Variants in ENPEP observed in about 807,000 individuals in gnomAD.
The protein encoded by ENPEP is AP-A.
ENPEP carries 103 observed loss-of-function variants against 114.5 expected under a neutral mutation model. The observed-to-expected ratio is 0.90, with a 90% CI of 0.77 to 1.06. ENPEP has a LOEUF of 1.06. Among genes scored for constraint, ENPEP ranks in the 50% least tolerant of loss-of-function variants. The pLI is 0.00. For synonymous variants in ENPEP, 420 were observed against 422.0 expected, an observed-to-expected ratio of 1.00 and a Z score of 0.06; for missense variants, 1,196 against 1,161.3, an observed-to-expected ratio of 1.03 and a Z score of -0.43.
chr4:110,540,740 C>T (rs572586908), intron 11 of ENPEP, among the ~76,000 whole-genome samples: 28 of 152,238 alleles, frequency 1.8e-4, no homozygotes, highest in Admixed American at 1.1e-3. Context: ...ATATTTGCTT[C>T]GCTATTTATA....
chr4:110,529,058 C>A (rs1726305574), intron 10 of ENPEP, among the ~76,000 whole-genome samples: 1 of 152,140 alleles, frequency 6.6e-6, no homozygotes, highest in Non-Finnish European at 1.5e-5. Context: ...CTCTTAAAGA[C>A]CTCAGAGCAG....
Position 110,542,770 on chromosome 4 carries a change from T to G in ENPEP, c.1827T>G (p.Ser609=), listed in dbSNP as rs1211481553. 1 of 1,612,836 alleles carries G rather than the reference T, an allele frequency of 6.2e-7. No individual in the cohort carries two copies. The highest frequency in any genetic ancestry group is 2.2e-5 in the East Asian group (1 of 44,846). The change falls in exon 12 of 20, where the codon TCT becomes TCG. Residue 609 remains serine, a synonymous_variant. Coordinates refer to ENST00000265162, the MANE Select transcript of ENPEP (RefSeq NM_001977.4). ...SEKEGITLNS[S]NPSGNAFLKI... ...CTACAGGAATCACTTTGAACTCCTC[T>G]AATCCTAGTGGAAATGCTTTTCTCA... is the stretch of plus-strand genomic sequence containing the variant.
At chr4:110,535,615 T>G (rs1004056437) in intron 11 of ENPEP, among the ~76,000 whole-genome samples, 2 of 152,246 alleles carry the variant, frequency 1.3e-5, no homozygotes, top group Non-Finnish European at 2.9e-5. Context: ...ATTTACACAG[T>G]TAAAATATAC....
rs1724366544 is a variant in ENPEP at position 110,482,877 on chromosome 4, C to A, written c.645-5664C>A. ...TACAAAAATTAGCCGGGGGTAGTGG[C>A]ACATGCCTGTAATCCCAGCTACTCT... On this transcript the variant is annotated intron_variant, in intron 1 of 19. Transcript: ENST00000265162. Among the ~76,000 whole-genome samples, 2 of 152,074 alleles carry A rather than the reference C, an allele frequency of 1.3e-5. 1 individual carries two copies. The highest frequency in any genetic ancestry group is 4.2e-4 in the South Asian group (2 of 4,818).
rs761525264 is a variant in ENPEP at position 110,531,282 on chromosome 4, ATAT to A, written c.1807+11_1807+13del. 1 of 1,408,314 alleles carries A rather than the reference ATAT, an allele frequency of 7.1e-7. No homozygotes were observed. Among genetic ancestry groups the A allele is most frequent in the South Asian group, 1.6e-5 (1 of 64,420 alleles). 87.2% of individuals were successfully genotyped at this position (1,408,314 alleles called of 1,614,324 possible). ...TTAATAGGTCAGAAAAAGAAGGTAA[ATAT>A]TATTAATTGATTTATTTCTTCTTTG... is the stretch of plus-strand genomic sequence containing the variant. On this transcript the variant is annotated splice_donor_region_variant and intron_variant, in intron 11 of 19. Transcript: ENST00000265162.
chr4:110,486,838 C>T lies in ENPEP; in HGVS notation c.645-1703C>T, dbSNP rs149260536. 3.9e-5 allele frequency among the ~76,000 whole-genome samples: 6 copies of T among 152,204 alleles called. No individual in the cohort carries two copies. The East Asian group carries it at 7.7e-4, about 20-fold the overall frequency. On this transcript the variant is annotated intron_variant, in intron 1 of 19. Transcript: ENST00000265162. ...GGAGAAAGAGTAATTCACACAGATC[C>T]GGCTGTGCAGGAGACTGGAATTTTA...
intron 2 of ENPEP, among the ~76,000 whole-genome samples, chr4:110,490,678 T>A (rs1306740935): frequency 5.3e-5 from 8 of 152,214 alleles, no homozygotes; most frequent in Non-Finnish European, 1.0e-4. Flanking sequence ...TCAGCAAATA[T>A]CTGAGCACGA....
intron 11 of ENPEP, 57 bp from the exon 12 acceptor site, chr4:110,542,694 T>C: frequency 2.0e-6 from 3 of 1,471,914 alleles, no homozygotes; most frequent in Non-Finnish European, 2.7e-6. Flanking sequence ...GTCTAATTTC[T>C]CTGTGTTGAC....
intron 8 of ENPEP, 137 bp downstream of exon 8, chr4:110,515,579 T>C: frequency 1.4e-6 from 1 of 717,740 alleles, no homozygotes; most frequent in South Asian, 1.7e-5. Flanking sequence ...TAGCAAAAGA[T>C]AAAAACATGA....
intron 8 of ENPEP, chr4:110,519,022 A>G (rs1210720442): frequency 2.2e-6 from 1 of 451,080 alleles, no homozygotes; most frequent in African/African-American, 2.0e-5. Flanking sequence ...GATTTGTGCA[A>G]CTTTCTGTAA....
intron 3 of ENPEP, among the ~76,000 whole-genome samples, chr4:110,501,262 G>A (rs1044936205): frequency 2.6e-5 from 4 of 152,042 alleles, no homozygotes; most frequent in Non-Finnish European, 5.9e-5. Flanking sequence ...TTTTTTTATG[G>A]TAACTTCTGT....
intron 13 of ENPEP, 35 bp from the exon 14 acceptor site, chr4:110,548,141 T>A: frequency 2.5e-5 from 2 of 80,370 alleles, no homozygotes; most frequent in Middle Eastern, 1.0e-3. Context: ...AACTGTGAGT[T>A]TTTTTTTTTT....
Position 110,476,594 on chromosome 4 carries a change from G to A in ENPEP, c.180G>A (p.Leu60=). ...GCACTGCGCCAGCTCCTTCCCACCTGCCTTCTTCCACGGCCAGCCCCTCAG... is the reference window on the plus strand; with the variant it reads ...GCACTGCGCCAGCTCCTTCCCACCTACCTTCTTCCACGGCCAGCCCCTCAG... The part of the protein sequence containing the change: ...GPGTAPAPSH[L]PSSTASPSGP... Residue 60 remains leucine, a synonymous_variant, in exon 1 of 20, where the codon CTG becomes CTA. Transcript: ENST00000265162. The A allele has an allele frequency of 2.5e-6, 4 of 1,614,128 alleles. No homozygotes were observed. The highest frequency in any genetic ancestry group is 3.4e-6 in the Non-Finnish European group (4 of 1,179,986).
intron 11 of ENPEP, among the ~76,000 whole-genome samples, chr4:110,532,853 T>C (rs565872489): frequency 4.3e-4 from 65 of 152,312 alleles, no homozygotes; most frequent in Admixed American, 7.8e-4. Flanking sequence ...TGTTTTAGTA[T>C]TTTATGCTGT....
chr4:110,495,670 G>A (rs1035661645), intron 3 of ENPEP, among the ~76,000 whole-genome samples: 2 of 152,148 alleles, frequency 1.3e-5, no homozygotes, highest in African/African-American at 2.4e-5. Context: ...GCGGTGAGCC[G>A]AGATGGTGCC....
chr4:110,547,156 A>G (rs1727101006), intron 13 of ENPEP, among the ~76,000 whole-genome samples: 2 of 152,106 alleles, frequency 1.3e-5, no homozygotes, highest in Admixed American at 1.3e-4. Flanking sequence ...ATAGAAGAGC[A>G]AGAATGCTCT....
rs778449706 is a variant in ENPEP, at chr4:110,542,868, C to CG, written c.1926dup (p.Leu643AlafsTer18). 6.2e-7 allele frequency: 1 copy of CG among 1,613,058 alleles called. No individual in the cohort carries two copies. Among genetic ancestry groups the CG allele is most frequent in the Non-Finnish European group, 8.5e-7 (1 of 1,179,350 alleles). ...GCAACTTGGGACTCGATAGCTACAGCGCTCTCCTTGAACCACAAGGTAAGA... is the reference window on the plus strand; with the variant it reads ...GCAACTTGGGACTCGATAGCTACAGCGGCTCTCCTTGAACCACAAGGTAAGA... On this transcript the variant is annotated frameshift_variant, in exon 12 of 20. Coordinates refer to ENST00000265162, the MANE Select transcript of ENPEP (RefSeq NM_001977.4). LOFTEE classifies it high-confidence loss of function.
chr4:110,498,561 G>A (rs1725032474), intron 3 of ENPEP, among the ~76,000 whole-genome samples: 1 of 152,096 alleles, frequency 6.6e-6, no homozygotes, highest in African/African-American at 2.4e-5. Context: ...ACATTCCTGG[G>A]CAAACCTGAA....
At chr4:110,478,468 C>T (rs1366143505) in intron 1 of ENPEP, among the ~76,000 whole-genome samples, 1 of 152,262 alleles carries the variant, frequency 6.6e-6, no homozygotes, top group Admixed American at 6.5e-5. Flanking sequence ...GTGGTAATCC[C>T]TGCTAGCATA....
Sources: allele counts gnomAD v4.1 joint callset (sites outside exome capture counted in the v4.1 genomes callset), GRCh38; gene constraint gnomAD v4.1.1; transcripts MANE v1.5; gene names NCBI Gene and HGNC (gene_info 2026-07-23, HGNC 2026-07-21).